TMEFF2: variants seen among roughly 807,000 people sequenced by gnomAD.
The protein encoded by TMEFF2 is transmembrane protein with EGF like and two follistatin like domains 2.
Under a neutral mutation model 53.8 loss-of-function variants are expected in TMEFF2, and 28 were observed. The observed-to-expected ratio is 0.52, with a 90% CI of 0.39 to 0.71. TMEFF2 has a LOEUF of 0.71. Among genes scored for constraint, TMEFF2 ranks in the 30% least tolerant of loss-of-function variants. TMEFF2 has a pLI of 0.00. For synonymous variants in TMEFF2, 162 were observed against 166.3 expected (o/e 0.97, Z 0.20); for missense variants, 353 against 455.2 (o/e 0.78, Z 2.04).
At chr2:192,018,975 C>T (rs1686801922) in intron 5 of TMEFF2, among the ~76,000 whole-genome samples, 1 of 151,846 alleles carries the variant, frequency 6.6e-6, no homozygotes, top group African/African-American at 2.4e-5. Flanking sequence ...TTATTATTCT[C>T]AATTACACAC....
intron 5 of TMEFF2, among the ~76,000 whole-genome samples, chr2:192,010,017 G>C (rs1686587731): frequency 6.6e-6 from 1 of 152,138 alleles, no homozygotes; most frequent in Non-Finnish European, 1.5e-5. Flanking sequence ...AACAAACTTT[G>C]AAAAAGAAAT....
chr2:192,191,853 A>G (rs1019052573), intron 2 of TMEFF2, 27 bp downstream of exon 2: 10 of 1,450,388 alleles, frequency 6.9e-6, no homozygotes, highest in East Asian at 6.8e-5. Context: ...TTAATGAATT[A>G]GAAGATGCAA....
intron 4 of TMEFF2, among the ~76,000 whole-genome samples, chr2:192,095,924 A>C (rs1028566296): frequency 6.6e-6 from 1 of 152,216 alleles, no homozygotes; most frequent in Non-Finnish European, 1.5e-5. Flanking sequence ...TGAGGTTAAG[A>C]TATTAATATA....
At chr2:191,962,607 GATAA>G (rs1692306054) in intron 7 of TMEFF2, among the ~76,000 whole-genome samples, 1 of 152,114 alleles carries the variant, frequency 6.6e-6, no homozygotes, top group African/African-American at 2.4e-5. Flanking sequence ...TATTTACATA[GATAA>G]ATACTGAAAA....
intron 1 of TMEFF2, among the ~76,000 whole-genome samples, chr2:192,193,505 A>G (rs1445831125): frequency 2.0e-5 from 3 of 152,106 alleles, no homozygotes; most frequent in African/African-American, 7.2e-5. Context: ...GACCCACTCC[A>G]CAGAAGCCTG....
chr2:192,062,440 A>G (rs1688066862), intron 4 of TMEFF2, among the ~76,000 whole-genome samples: 1 of 152,132 alleles, frequency 6.6e-6, no homozygotes, highest in South Asian at 2.1e-4. Context: ...ACTGGAAATT[A>G]TAATTGGGTA....
chr2:192,107,829 GAACA>G (rs1249286684), intron 4 of TMEFF2, among the ~76,000 whole-genome samples: 2 of 151,598 alleles, frequency 1.3e-5, no homozygotes, highest in Non-Finnish European at 3.0e-5. Context: ...CAGTAGTGCA[GAACA>G]ATCAAGAAAT....
At chr2:192,100,458 C>A (rs759592840) in intron 4 of TMEFF2, among the ~76,000 whole-genome samples, 55 of 152,170 alleles carry the variant, frequency 3.6e-4, no homozygotes, top group Non-Finnish European at 6.9e-4. Context: ...CTGCACTTAA[C>A]CTTATCGAAC....
chr2:191,955,964 G>C (rs960310209), intron 8 of TMEFF2, among the ~76,000 whole-genome samples: 4 of 152,102 alleles, frequency 2.6e-5, no homozygotes, highest in African/African-American at 7.2e-5. Flanking sequence ...TAATATGGAG[G>C]AACTTGTACC....
At chr2:192,006,149 C>G (rs1686496997) in intron 5 of TMEFF2, among the ~76,000 whole-genome samples, 1 of 151,060 alleles carries the variant, frequency 6.6e-6, no homozygotes, top group African/African-American at 2.4e-5. Flanking sequence ...AGAAACATTA[C>G]CCAGGACTGC....
chr2:191,977,585 T>C (rs1685763440), intron 7 of TMEFF2, among the ~76,000 whole-genome samples: 1 of 152,166 alleles, frequency 6.6e-6, no homozygotes, highest in Non-Finnish European at 1.5e-5. Context: ...CTGTTGCTAA[T>C]AAAATAATCT....
intron 4 of TMEFF2, among the ~76,000 whole-genome samples, chr2:192,075,285 T>TTATATATA (rs111733023): frequency 3.0e-4 from 20 of 65,750 alleles, no homozygotes; most frequent in African/African-American, 9.9e-4. Context: ...TACAGTACTA[T>TTATATATA]TATATATATA....
At chr2:192,054,506 A>G (rs1385106383) in intron 5 of TMEFF2, among the ~76,000 whole-genome samples, 2 of 151,978 alleles carry the variant, frequency 1.3e-5, no homozygotes, top group Admixed American at 6.6e-5. Flanking sequence ...TGGTGCCACT[A>G]TCCTTGCCCA....
intron 4 of TMEFF2, among the ~76,000 whole-genome samples, chr2:192,136,725 T>C (rs1690017030): frequency 6.6e-6 from 1 of 152,152 alleles, no homozygotes; most frequent in Admixed American, 6.5e-5. Flanking sequence ...TCCACACACA[T>C]TTATGCCTTT....
chr2:192,169,162 T>C (rs969612251), intron 4 of TMEFF2, among the ~76,000 whole-genome samples: 13 of 152,078 alleles, frequency 8.5e-5, no homozygotes, highest in Non-Finnish European at 1.9e-4. Flanking sequence ...ACACAGACTA[T>C]TTGAATGAAT....
chr2:192,094,731 C>T (rs1159130571), intron 4 of TMEFF2, among the ~76,000 whole-genome samples: 1 of 152,088 alleles, frequency 6.6e-6, no homozygotes, highest in Non-Finnish European at 1.5e-5. Context: ...TAAATGAAGC[C>T]TGTGATTTTA....
intron 7 of TMEFF2, among the ~76,000 whole-genome samples, chr2:191,959,755 T>G (rs1433568990): frequency 6.6e-6 from 1 of 152,208 alleles, no homozygotes; most frequent in African/African-American, 2.4e-5. Context: ...CAGTGTAAAA[T>G]TTGACTAAAT....
intron 4 of TMEFF2, among the ~76,000 whole-genome samples, chr2:192,100,137 A>C (rs946587681): frequency 1.3e-5 from 2 of 152,176 alleles, no homozygotes; most frequent in African/African-American, 4.8e-5. Flanking sequence ...AATTTAATTC[A>C]AATTTAATTA....
intron 5 of TMEFF2, among the ~76,000 whole-genome samples, chr2:192,037,636 A>AGAGAGAG (rs1228927983): frequency 0.012 from 338 of 27,752 alleles, 1 homozygote; most frequent in African/African-American, 0.018. Flanking sequence ...GGAGAGAAAG[A>AGAGAGAG]GAGAGAAAGA....
Sources: gnomAD v4.1 joint callset for allele counts (sites outside exome capture counted in the v4.1 genomes callset) on GRCh38, gnomAD v4.1.1 for gene constraint, MANE v1.5 for transcripts, NCBI Gene and HGNC (gene_info 2026-07-23, HGNC 2026-07-21) for gene names.